The following ATRNL1 variants were observed in gnomAD, a reference collection of about 807,000 sequenced individuals.
ATRNL1 encodes attractin like 1.
In ATRNL1, 95 loss-of-function variants were observed where a neutral mutation model predicts 182.7. That is an observed-to-expected ratio of 0.52 (90% CI 0.44 to 0.62). The LOEUF (loss-of-function observed/expected upper bound fraction) is 0.62. Among genes scored for constraint, ATRNL1 ranks in the 20% least tolerant of loss-of-function variants. The probability of loss-of-function intolerance (pLI) is 0.00; values close to 1 mark genes in which losing one functional copy is unlikely to be tolerated. For missense variants in ATRNL1, 1,471 were observed against 1,679.5 expected, an observed-to-expected ratio of 0.88 and a Z score of 2.17; for synonymous variants, 576 against 568.3, an observed-to-expected ratio of 1.01 and a Z score of -0.19.
intron 28 of ATRNL1, among the ~76,000 whole-genome samples, chr10:115,860,064 G>A (rs895933322): frequency 2.2e-4 from 33 of 152,162 alleles, no homozygotes; most frequent in Admixed American, 7.2e-4. Flanking sequence ...GCAGGTAAAA[G>A]CACTGGAAAA....
intron 19 of ATRNL1, among the ~76,000 whole-genome samples, chr10:115,379,519 G>GT (rs1186023402): frequency 6.6e-6 from 1 of 152,102 alleles, no homozygotes; most frequent in Non-Finnish European, 1.5e-5. Context: ...TAAATGAAAG[G>GT]TTTATCCATA....
intron 8 of ATRNL1, among the ~76,000 whole-genome samples, chr10:115,202,890 A>G: frequency 6.7e-6 from 1 of 148,952 alleles, no homozygotes; most frequent in Non-Finnish European, 1.5e-5. Context: ...TAAGCTATTG[A>G]TTATTGCCAC....
At chr10:115,588,142 G>A (rs1373033432) in intron 26 of ATRNL1, among the ~76,000 whole-genome samples, 3 of 152,130 alleles carry the variant, frequency 2.0e-5, no homozygotes, top group East Asian at 3.9e-4. Flanking sequence ...TGAAAGGATG[G>A]AAAATGTTAA....
intron 10 of ATRNL1, among the ~76,000 whole-genome samples, chr10:115,256,146 C>T (rs1170133873): frequency 6.6e-6 from 1 of 152,146 alleles, no homozygotes; most frequent in African/African-American, 2.4e-5. Flanking sequence ...ATGATGCTGG[C>T]CTCATAAAAT....
intron 19 of ATRNL1, among the ~76,000 whole-genome samples, chr10:115,339,470 A>G (rs1410972398): frequency 1.3e-5 from 2 of 152,088 alleles, no homozygotes; most frequent in Non-Finnish European, 2.9e-5. Flanking sequence ...ATGTGTGGCT[A>G]TTATAAATGG....
At chr10:115,498,514 A>T (rs1459188820) in intron 24 of ATRNL1, among the ~76,000 whole-genome samples, 2 of 152,074 alleles carry the variant, frequency 1.3e-5, no homozygotes, top group African/African-American at 4.8e-5. Flanking sequence ...AGGGAAAGAC[A>T]TCAGCAATTG....
chr10:115,662,531 C>G (rs1555038322), intron 26 of ATRNL1, among the ~76,000 whole-genome samples: 1 of 152,030 alleles, frequency 6.6e-6, no homozygotes, highest in African/African-American at 2.4e-5. Context: ...TGACCAGTTA[C>G]CTGTAGCCAA....
At chr10:115,647,660 T>G (rs1555033010) in intron 26 of ATRNL1, among the ~76,000 whole-genome samples, 1 of 152,142 alleles carries the variant, frequency 6.6e-6, no homozygotes, top group African/African-American at 2.4e-5. Context: ...TGATTTTTTC[T>G]TGTAAATTTG....
At chr10:115,296,310 C>A (rs1853187478) in intron 15 of ATRNL1, among the ~76,000 whole-genome samples, 1 of 152,140 alleles carries the variant, frequency 6.6e-6, no homozygotes, top group African/African-American at 2.4e-5. Context: ...TGCACTCCAG[C>A]ACTCTCCCTT....
chr10:115,311,657 G>A (rs549997631), intron 17 of ATRNL1, among the ~76,000 whole-genome samples: 1 of 152,300 alleles, frequency 6.6e-6, no homozygotes, highest in South Asian at 2.1e-4. Flanking sequence ...TTTAAGTCCA[G>A]TGTTTCTTTG....
In ATRNL1 at chr10:115,193,315, C is replaced by T. The variant is rs541399231; in HGVS notation, c.1348+22023C>T. 3.3e-5 allele frequency among the ~76,000 whole-genome samples: 5 copies of T among 151,996 alleles called. No individual in the cohort carries two copies. The East Asian group carries it at 5.8e-4, about 18-fold the overall frequency. ...GCATTTTGGCATCAATTGAAATGGC[C>T]GTATGATTTTTCTCTTCATTCTGTT... On this transcript the variant is annotated intron_variant, in intron 8 of 28. Coordinates refer to ENST00000355044, the MANE Select transcript of ATRNL1 (RefSeq NM_207303.4).
At chr10:115,327,430 G>A (rs1200527017) in intron 18 of ATRNL1, among the ~76,000 whole-genome samples, 2 of 152,130 alleles carry the variant, frequency 1.3e-5, no homozygotes, top group African/African-American at 2.4e-5. Context: ...CAAAAGTCAG[G>A]AAACAACAGG....
intron 28 of ATRNL1, among the ~76,000 whole-genome samples, chr10:115,897,704 G>C (rs1440899605): frequency 3.9e-5 from 6 of 152,282 alleles, no homozygotes; most frequent in African/African-American, 1.4e-4. Flanking sequence ...TTGTGGAAGA[G>C]AAGTTGAAAA....
chr10:115,660,835 A>G lies in ATRNL1; in HGVS notation c.3796-66413A>G, dbSNP rs141884586. On this transcript the variant is annotated intron_variant, in intron 26 of 28. Coordinates refer to ENST00000355044, the MANE Select transcript of ATRNL1 (RefSeq NM_207303.4). ...TGGCTCAGGGGCATCGATTGCATGCATGCATGCATTTACATATGTAAGTAC... is the reference window on the plus strand; with the variant it reads ...TGGCTCAGGGGCATCGATTGCATGCGTGCATGCATTTACATATGTAAGTAC... Among the ~76,000 whole-genome samples the G allele has an allele frequency of 8.8e-3, 1,336 of 152,248 alleles. 9 individuals are homozygous for G. Among genetic ancestry groups the G allele is most frequent in the Middle Eastern group, 0.017 (5 of 294 alleles).
chr10:115,859,909 T>C (rs1287027732), intron 28 of ATRNL1, among the ~76,000 whole-genome samples: 1 of 152,218 alleles, frequency 6.6e-6, no homozygotes, highest in African/African-American at 2.4e-5. Context: ...TAAGAGCTTG[T>C]AGGGAAAAAG....
intron 26 of ATRNL1, among the ~76,000 whole-genome samples, chr10:115,646,717 A>G (rs1859637686): frequency 6.6e-6 from 1 of 151,490 alleles, no homozygotes; most frequent in African/African-American, 2.4e-5. Context: ...ATATATATTC[A>G]TGTATGTGTA....
chr10:115,250,370 T>C (rs1476735415), intron 10 of ATRNL1, among the ~76,000 whole-genome samples: 1 of 152,214 alleles, frequency 6.6e-6, no homozygotes, highest in Non-Finnish European at 1.5e-5. Context: ...GTGTGAAGCC[T>C]GCATTGTGAT....
At chr10:115,828,868 C>A (rs1202400289) in intron 27 of ATRNL1, among the ~76,000 whole-genome samples, 1 of 152,130 alleles carries the variant, frequency 6.6e-6, no homozygotes, top group Non-Finnish European at 1.5e-5. Flanking sequence ...TTTAAAAGAG[C>A]ATTACTAAAT....
chr10:115,630,081 A>G (rs1399115909), intron 26 of ATRNL1, among the ~76,000 whole-genome samples: 6 of 152,140 alleles, frequency 3.9e-5, no homozygotes, highest in African/African-American at 1.4e-4. Flanking sequence ...ATGGTGTCAT[A>G]TCCAAAATAT....
Sources: gnomAD v4.1 joint callset for allele counts (sites outside exome capture counted in the v4.1 genomes callset) on GRCh38, gnomAD v4.1.1 for gene constraint, MANE v1.5 for transcripts, NCBI Gene and HGNC (gene_info 2026-07-23, HGNC 2026-07-21) for gene names.